The following CDH13 variants were observed in gnomAD, a reference collection of about 807,000 sequenced individuals.
CDH13 encodes cadherin-13.
Under a neutral mutation model 63.8 loss-of-function variants are expected in CDH13, and 24 were observed. The observed-to-expected ratio is 0.38, with a 90% CI of 0.27 to 0.53. The LOEUF (loss-of-function observed/expected upper bound fraction) is 0.53. Among genes scored for constraint, CDH13 ranks in the 20% least tolerant of loss-of-function variants. The pLI, the probability that CDH13 is intolerant of heterozygous loss-of-function variation, is 0.85. For synonymous variants in CDH13, 503 were observed against 355.3 expected (o/e 1.42, Z -4.67); for missense variants, 1,049 against 903.1 (o/e 1.16, Z -2.07).
In CDH13 at chr16:82,760,220, C is replaced by T. The variant is rs118135235; in HGVS notation, c.46-98142C>T. Among the ~76,000 whole-genome samples the T allele has an allele frequency of 3.3e-3, 503 of 152,184 alleles. 10 individuals carry two copies. In the East Asian group the frequency reaches 0.033, roughly 10 times the overall value. On this transcript the variant is annotated intron_variant, in intron 1 of 13. Transcript: ENST00000567109. ...TTAGACATAAGCACCCGGCTCATTG[C>T]GGGTACTTACTGAGGGGGTAGAAGG...
chr16:83,410,633 T>C (rs550016105), intron 6 of CDH13, among the ~76,000 whole-genome samples: 17 of 152,348 alleles, frequency 1.1e-4, no homozygotes, highest in African/African-American at 4.1e-4. Flanking sequence ...CCTTCTTTTA[T>C]GTCTTTTTGG....
At chr16:83,458,490 T>C (rs569863433) in intron 6 of CDH13, among the ~76,000 whole-genome samples, 1 of 152,334 alleles carries the variant, frequency 6.6e-6, no homozygotes, top group Admixed American at 6.5e-5. Context: ...TGTTTTGATA[T>C]GATTTTACAA....
At chr16:82,844,390 A>C (rs964902639) in intron 1 of CDH13, 2 of 151,950 alleles carry the variant, frequency 1.3e-5, no homozygotes. Context: ...TCACAAGGTC[A>C]GGAGGTCAAG....
chr16:83,391,610 A>AC (rs143685047), intron 6 of CDH13, among the ~76,000 whole-genome samples: 1,969 of 152,150 alleles, frequency 0.013, 41 homozygotes, highest in African/African-American at 0.045. Context: ...CTCTGGCGCA[A>AC]CCCCCCTGGA....
At chr16:83,128,808 C>T (rs757149548) in intron 4 of CDH13, among the ~76,000 whole-genome samples, 6 of 152,180 alleles carry the variant, frequency 3.9e-5, no homozygotes, top group Non-Finnish European at 8.8e-5. Context: ...GGTTTGCAAG[C>T]TGAGGACTCA....
At chr16:82,678,168 G>T (rs1914144719) in intron 1 of CDH13, among the ~76,000 whole-genome samples, 1 of 152,162 alleles carries the variant, frequency 6.6e-6, no homozygotes, top group South Asian at 2.1e-4. Flanking sequence ...GGCCAAACAT[G>T]CTGTGTATTG....
chr16:83,776,909 G>A (rs1915154207), intron 11 of CDH13, among the ~76,000 whole-genome samples: 1 of 152,042 alleles, frequency 6.6e-6, no homozygotes, highest in African/African-American at 2.4e-5. Flanking sequence ...AGCCATCTAT[G>A]TGTTGATGAC....
chr16:83,551,766 T>C (rs1260804914), intron 7 of CDH13, among the ~76,000 whole-genome samples: 4 of 152,202 alleles, frequency 2.6e-5, no homozygotes, highest in Non-Finnish European at 5.9e-5. Context: ...TGTACTTGAA[T>C]TGTCAATTTG....
chr16:82,877,712 C>T (rs1597876026), intron 2 of CDH13, among the ~76,000 whole-genome samples: 1 of 151,852 alleles, frequency 6.6e-6, no homozygotes, highest in Admixed American at 6.6e-5. Flanking sequence ...GCAAAAATAC[C>T]CCAGAATCTA....
chr16:83,741,199 A>G (rs946748635), intron 10 of CDH13, among the ~76,000 whole-genome samples: 2 of 151,998 alleles, frequency 1.3e-5, no homozygotes, highest in Non-Finnish European at 2.9e-5. Context: ...TTTACTTTAC[A>G]CTCAGGGCCA....
chr16:82,709,612 C>G (rs1308907043), intron 1 of CDH13, among the ~76,000 whole-genome samples: 3 of 152,200 alleles, frequency 2.0e-5, no homozygotes, highest in Non-Finnish European at 4.4e-5. Flanking sequence ...TAATTCATGT[C>G]AAGTATTTGG....
intron 10 of CDH13, among the ~76,000 whole-genome samples, chr16:83,711,231 C>G (rs1211371525): frequency 2.0e-5 from 3 of 152,200 alleles, no homozygotes; most frequent in Non-Finnish European, 4.4e-5. Context: ...CATTCTTTAG[C>G]AAGGATGCCC....
intron 4 of CDH13, among the ~76,000 whole-genome samples, chr16:83,165,137 G>A (rs2037609902): frequency 6.6e-6 from 1 of 151,286 alleles, no homozygotes; most frequent in Non-Finnish European, 1.5e-5. Flanking sequence ...TAAGAATTTA[G>A]GAATCCCTAA....
chr16:82,821,369 G>A (rs541143249), intron 1 of CDH13, among the ~76,000 whole-genome samples: 30 of 152,290 alleles, frequency 2.0e-4, no homozygotes, highest in Middle Eastern at 3.4e-3. Context: ...CTAATGAGAC[G>A]ATTCGAGGCA....
In CDH13 at chr16:82,811,693, T is replaced by C. The variant is rs1156725134; in HGVS notation, c.46-46669T>C. 1.3e-5 allele frequency among the ~76,000 whole-genome samples: 2 copies of C among 152,070 alleles called. 1 individual carries two copies. The highest frequency in any genetic ancestry group is 1.3e-4 in the Admixed American group (2 of 15,264). On this transcript the variant is annotated intron_variant, in intron 1 of 13. Coordinates refer to ENST00000567109, the MANE Select transcript of CDH13 (RefSeq NM_001257.5). ...TAGCAGTATTCCAAATGAGTTGCCA[T>C]GGTGTCTTGTATTCCAGTGAGGAGA... is the stretch of plus-strand genomic sequence containing the variant.
At chr16:83,375,408 G>A (rs3859036) in intron 6 of CDH13, among the ~76,000 whole-genome samples, 43,027 of 152,074 alleles carry the variant, frequency 0.28, 6,187 homozygotes, top group Middle Eastern at 0.41. Context: ...AGTGGCTATG[G>A]AATCAAATAT....
chr16:83,604,439 G>GA (rs983455476), intron 8 of CDH13, among the ~76,000 whole-genome samples: 1 of 152,034 alleles, frequency 6.6e-6, no homozygotes, highest in African/African-American at 2.4e-5. Flanking sequence ...GGATAGGAAT[G>GA]AAAAAAATAT....
chr16:83,677,045 T>A (rs1915012284), intron 9 of CDH13, among the ~76,000 whole-genome samples: 1 of 152,230 alleles, frequency 6.6e-6, no homozygotes, highest in South Asian at 2.1e-4. Context: ...CATTACGGCA[T>A]GGGTCTGATG....
At chr16:83,350,042 A>G (rs1003796635) in intron 6 of CDH13, among the ~76,000 whole-genome samples, 1 of 152,208 alleles carries the variant, frequency 6.6e-6, no homozygotes, top group Non-Finnish European at 1.5e-5. Flanking sequence ...TACTCCCCCA[A>G]GTCTGATAAT....
Sources: gnomAD v4.1 joint callset for allele counts (sites outside exome capture counted in the v4.1 genomes callset) on GRCh38, gnomAD v4.1.1 for gene constraint, MANE v1.5 for transcripts, NCBI Gene and HGNC (gene_info 2026-07-23, HGNC 2026-07-21) for gene names.